Variants in VAT1L observed in about 807,000 individuals in gnomAD.
VAT1L encodes vesicle amine transport 1 like, also known as putative NADPH-dependent quinone oxidoreductase VAT1L.
VAT1L carries 34 observed loss-of-function variants against 44.1 expected under a neutral mutation model. That is an observed-to-expected ratio of 0.77 (90% CI 0.59 to 1.03). The LOEUF (loss-of-function observed/expected upper bound fraction) is 1.03. Ranked by LOEUF, VAT1L falls within the 50% of genes least tolerant of loss-of-function variation. The probability of loss-of-function intolerance (pLI) is 0.00; values close to 1 mark genes in which losing one functional copy is unlikely to be tolerated. For synonymous variants in VAT1L, 253 were observed against 202.2 expected, an observed-to-expected ratio of 1.25 and a Z score of -2.13; for missense variants, 615 against 538.8, an observed-to-expected ratio of 1.14 and a Z score of -1.40.
intron 1 of VAT1L, among the ~76,000 whole-genome samples, chr16:77,806,431 G>C (rs1300748668): frequency 6.6e-6 from 1 of 150,800 alleles, no homozygotes; most frequent in African/African-American, 2.4e-5. Context: ...GCATGGTCTC[G>C]ATTTCCTGAC....
chr16:77,949,307 G>A (rs2018011581), intron 7 of VAT1L, among the ~76,000 whole-genome samples: 1 of 152,286 alleles, frequency 6.6e-6, no homozygotes, highest in East Asian at 1.9e-4. Context: ...GAGCGAGTAA[G>A]TCAAGGGAGG....
intron 4 of VAT1L, among the ~76,000 whole-genome samples, chr16:77,869,910 G>A (rs564364814): frequency 1.3e-5 from 2 of 152,258 alleles, no homozygotes; most frequent in East Asian, 1.9e-4. Flanking sequence ...ATCAGAAAAG[G>A]CAGAGATCAG....
At chr16:77,876,937 A>G (rs12924217) in intron 5 of VAT1L, among the ~76,000 whole-genome samples, 1 of 152,168 alleles carries the variant, frequency 6.6e-6, no homozygotes, top group African/African-American at 2.4e-5. Context: ...ACTCCTGAGC[A>G]TCCCACGCAA....
intron 7 of VAT1L, among the ~76,000 whole-genome samples, chr16:77,929,865 G>C (rs553016956): frequency 1.3e-5 from 2 of 152,314 alleles, no homozygotes; most frequent in Non-Finnish European, 2.9e-5. Flanking sequence ...CTCTGGCTGG[G>C]TGTGTAATCC....
intron 7 of VAT1L, among the ~76,000 whole-genome samples, chr16:77,901,276 G>C (rs765009306): frequency 6.9e-6 from 1 of 144,844 alleles, no homozygotes; most frequent in Non-Finnish European, 1.5e-5. Flanking sequence ...CCATTCTCCT[G>C]CCTCAGCCTC....
chr16:77,791,570 T>A (rs1174291620), intron 1 of VAT1L, among the ~76,000 whole-genome samples: 1 of 152,224 alleles, frequency 6.6e-6, no homozygotes, highest in Non-Finnish European at 1.5e-5. Context: ...ACTTAGGATT[T>A]GAATCTAATT....
intron 4 of VAT1L, among the ~76,000 whole-genome samples, chr16:77,870,202 A>G (rs1369765447): frequency 6.6e-6 from 1 of 152,210 alleles, no homozygotes; most frequent in Non-Finnish European, 1.5e-5. Context: ...ACCGTAGAGT[A>G]GGCATTGTGT....
intron 7 of VAT1L, among the ~76,000 whole-genome samples, chr16:77,890,922 GA>G (rs57157062): frequency 0.94 from 121,939 of 129,236 alleles, 57,477 homozygotes; most frequent in East Asian, 0.99. Flanking sequence ...AGACCCTGTC[GA>G]AAAAAAAAAA....
intron 7 of VAT1L, among the ~76,000 whole-genome samples, chr16:77,953,599 G>T (rs192914882): frequency 1.3e-5 from 2 of 152,162 alleles, no homozygotes; most frequent in East Asian, 3.9e-4. Context: ...GGAGCACAGT[G>T]GTGCAATCAC....
intron 1 of VAT1L, among the ~76,000 whole-genome samples, chr16:77,791,931 C>A (rs556954248): frequency 6.6e-6 from 1 of 152,100 alleles, no homozygotes; most frequent in Non-Finnish European, 1.5e-5. Flanking sequence ...GAATACTTTA[C>A]GCAACAAGAG....
chr16:77,930,978 C>G (rs966022953), intron 7 of VAT1L, among the ~76,000 whole-genome samples: 17 of 152,142 alleles, frequency 1.1e-4, no homozygotes, highest in African/African-American at 3.4e-4. Context: ...CTCATTTAAA[C>G]CTCAAAACTC....
In VAT1L at chr16:77,817,035, C is replaced by A. The variant is rs138049802; in HGVS notation, c.348C>A (p.Ser116Arg). 9 of 1,613,604 alleles carry A rather than the reference C, an allele frequency of 5.6e-6. No homozygotes were observed. Among genetic ancestry groups the A allele is most frequent in the Non-Finnish European group, 7.6e-6 (9 of 1,179,772 alleles). The change falls in exon 2 of 9, where the codon AGC becomes AGA. Residue 116 changes from serine (S) to arginine (R), a missense_variant. Transcript: ENST00000302536. ...GGATTGTTGAAGCTCTGGGGGACAGCGTGAAAGGATATGAGGTAATGTTTG... is the reference window on the plus strand; with the variant it reads ...GGATTGTTGAAGCTCTGGGGGACAGAGTGAAAGGATATGAGGTAATGTTTG... ...CSGIVEALGD[S>R]VKGYEIGDRV... is the part of the protein sequence containing the mutation.
intron 7 of VAT1L, among the ~76,000 whole-genome samples, chr16:77,964,514 G>T (rs1478206591): frequency 6.6e-6 from 1 of 152,132 alleles, no homozygotes; most frequent in Non-Finnish European, 1.5e-5. Flanking sequence ...CCTCTTGCAA[G>T]AATCGTTGTG....
At chr16:77,930,718 G>A (rs1466903962) in intron 7 of VAT1L, among the ~76,000 whole-genome samples, 1 of 152,094 alleles carries the variant, frequency 6.6e-6, no homozygotes, top group Non-Finnish European at 1.5e-5. Flanking sequence ...TTCTTCCCAG[G>A]AAATGGACAT....
At chr16:77,938,339 A>C (rs1177027831) in intron 7 of VAT1L, among the ~76,000 whole-genome samples, 1 of 152,206 alleles carries the variant, frequency 6.6e-6, no homozygotes, top group East Asian at 1.9e-4. Context: ...TATACCTATA[A>C]ACAAAACTGA....
At chr16:77,796,565 C>T (rs11863306) in intron 1 of VAT1L, among the ~76,000 whole-genome samples, 44,646 of 152,106 alleles carry the variant, frequency 0.29, 7,385 homozygotes, top group Non-Finnish European at 0.38. Context: ...TATCTACTTC[C>T]TCACTTTGTT....
chr16:77,935,708 C>G (rs2017787313), intron 7 of VAT1L, among the ~76,000 whole-genome samples: 2 of 152,010 alleles, frequency 1.3e-5, no homozygotes, highest in African/African-American at 2.4e-5. Context: ...TTGCTGACTG[C>G]AGGGTTGCAC....
At chr16:77,958,755 C>G (rs146355706) in intron 7 of VAT1L, among the ~76,000 whole-genome samples, 21 of 152,318 alleles carry the variant, frequency 1.4e-4, no homozygotes, top group African/African-American at 5.1e-4. Flanking sequence ...CATCCAAGGA[C>G]GCAGGACAAA....
Position 77,914,786 on chromosome 16 carries a change from A to G in VAT1L, c.1077+29984A>G, listed in dbSNP as rs1468216696. Among the ~76,000 whole-genome samples the G allele has an allele frequency of 2.6e-5, 4 of 152,258 alleles. No homozygotes were observed. In the East Asian group the frequency reaches 7.7e-4, roughly 29 times the overall value. ...GTAAGAAATAGTGTTATCATAGATC[A>G]AATATCAGTCACATATCAGATTTAA... is the stretch of plus-strand genomic sequence containing the variant. On this transcript the variant is annotated intron_variant, in intron 7 of 8. Coordinates refer to ENST00000302536, the MANE Select transcript of VAT1L (RefSeq NM_020927.3).
Sources: allele counts gnomAD v4.1 joint callset (sites outside exome capture counted in the v4.1 genomes callset), GRCh38; gene constraint gnomAD v4.1.1; transcripts MANE v1.5; gene names NCBI Gene and HGNC (gene_info 2026-07-23, HGNC 2026-07-21).